The following CSRP3 variants were observed in gnomAD, a reference collection of about 807,000 sequenced individuals.
CSRP3 encodes the protein cysteine and glycine-rich protein 3.
A neutral mutation model predicts 24.3 loss-of-function variants in CSRP3; 24 were observed. The observed-to-expected ratio is 0.99, with a 90% CI of 0.71 to 1.39. The LOEUF (loss-of-function observed/expected upper bound fraction) is 1.39. Among genes scored for constraint, CSRP3 ranks in the 40% most tolerant of loss-of-function variants. The probability of loss-of-function intolerance (pLI) is 0.00; values close to 1 mark genes in which losing one functional copy is unlikely to be tolerated. For missense variants in CSRP3, 240 were observed against 249.0 expected (o/e 0.96, Z 0.24); for synonymous variants, 105 against 94.0 (o/e 1.12, Z -0.68).
At chr11:19,194,752 G>A (rs1850670125) in intron 1 of CSRP3, among the ~76,000 whole-genome samples, 1 of 152,042 alleles carries the variant, frequency 6.6e-6, no homozygotes, top group South Asian at 2.1e-4. Flanking sequence ...AGTTCGGGTT[G>A]TTTAGGAAAC....
intron 1 of CSRP3, among the ~76,000 whole-genome samples, chr11:19,200,252 T>C (rs1850814019): frequency 1.3e-5 from 2 of 152,248 alleles, no homozygotes; most frequent in Non-Finnish European, 2.9e-5. Flanking sequence ...TTAGTTTTAT[T>C]GTTCAGAAAA....
At chr11:19,191,022 AG>A (rs1850604711) in intron 2 of CSRP3, among the ~76,000 whole-genome samples, 1 of 152,194 alleles carries the variant, frequency 6.6e-6, no homozygotes, top group Non-Finnish European at 1.5e-5. Flanking sequence ...CAGTTACCAA[AG>A]TTGATCAAAG....
At chr11:19,192,312 C>T (rs774314682) in intron 2 of CSRP3, 25 bp downstream of exon 2, 12 of 1,561,880 alleles carry the variant, frequency 7.7e-6, no homozygotes, top group Middle Eastern at 3.5e-4. Flanking sequence ...TGCTGAGGGG[C>T]CCCCAGGGTG....
At position 19,192,339 on chromosome 11, in the gene CSRP3, C is replaced by A. The variant is rs1850628850; in HGVS notation, c.110G>T (p.Cys37Phe). The A allele has an allele frequency of 6.2e-7, 1 of 1,612,092 alleles. No individual in the cohort carries two copies. The highest frequency in any genetic ancestry group is 1.1e-5 in the South Asian group (1 of 91,042). ...CCCAGGGTGTCCACCCAACTCACTG[C>A]AGTGGAAACACGTCTTGTGGAAACT... ...GRSFHKTCFH[C>F]MACRKALDST... The change falls in exon 2 of 6, where the codon TGC becomes TTC. Residue 37 changes from cysteine (C) to phenylalanine (F), a missense_variant and splice_region_variant. Coordinates refer to ENST00000265968, the MANE Select transcript of CSRP3 (RefSeq NM_003476.5).
intron 3 of CSRP3, 120 bp from the exon 4 acceptor site, chr11:19,186,468 G>C: frequency 8.0e-7 from 1 of 1,257,266 alleles, no homozygotes. Context: ...TCTGGAAAAT[G>C]GGGATAATGA....
At chr11:19,184,386 C>T (rs940524665) in intron 5 of CSRP3, among the ~76,000 whole-genome samples, 5 of 152,160 alleles carry the variant, frequency 3.3e-5, no homozygotes, top group African/African-American at 1.2e-4. Context: ...ATGGAGGCAG[C>T]GAGGGTCAGA....
At chr11:19,188,613 A>AGTGTGT (rs138192808) in intron 2 of CSRP3, among the ~76,000 whole-genome samples, 5,771 of 140,850 alleles carry the variant, frequency 0.041, 109 homozygotes, top group South Asian at 0.1. Context: ...ACATCAGGGA[A>AGTGTGT]GTGTGTGTGT....
chr11:19,191,915 G>A (rs1311557726), intron 2 of CSRP3, among the ~76,000 whole-genome samples: 1 of 152,192 alleles, frequency 6.6e-6, no homozygotes, highest in Admixed American at 6.5e-5. Flanking sequence ...GACAAGACCA[G>A]TCACAGCTGG....
At chr11:19,199,128 G>A (rs781742091) in intron 1 of CSRP3, among the ~76,000 whole-genome samples, 1 of 152,030 alleles carries the variant, frequency 6.6e-6, no homozygotes, top group African/African-American at 2.4e-5. Flanking sequence ...TGCCCAGGTC[G>A]GGGTGAGAGT....
intron 3 of CSRP3, 67 bp from the exon 4 acceptor site, chr11:19,186,415 C>T: frequency 6.2e-7 from 1 of 1,603,644 alleles, no homozygotes; most frequent in South Asian, 1.1e-5. Flanking sequence ...AGCTGTGTGG[C>T]CTTGAGAAAG....
intron 3 of CSRP3, among the ~76,000 whole-genome samples, chr11:19,186,846 G>T (rs1850534481): frequency 1.3e-5 from 2 of 152,228 alleles, no homozygotes; most frequent in South Asian, 4.1e-4. Flanking sequence ...TCACAAGCCA[G>T]GCTGTCGTCC....
intron 1 of CSRP3, among the ~76,000 whole-genome samples, chr11:19,200,344 A>T (rs148381656): frequency 9.8e-5 from 15 of 152,290 alleles, no homozygotes; most frequent in African/African-American, 3.6e-4. Context: ...TTTCTTCTTG[A>T]ATATCCCAGG....
At chr11:19,191,720 G>T (rs1302807171) in intron 2 of CSRP3, among the ~76,000 whole-genome samples, 2 of 152,246 alleles carry the variant, frequency 1.3e-5, no homozygotes, top group East Asian at 3.9e-4. Flanking sequence ...GGTTCTCAAG[G>T]TTCAAGCCAC....
chr11:19,192,243 T>A, intron 2 of CSRP3, 94 bp downstream of exon 2: 3 of 867,228 alleles, frequency 3.5e-6, no homozygotes, highest in South Asian at 2.7e-5. Flanking sequence ...GACCACACTA[T>A]GAGAACCACT....
intron 5 of CSRP3, among the ~76,000 whole-genome samples, chr11:19,183,932 AG>A (rs1451630392): frequency 6.6e-6 from 1 of 152,194 alleles, no homozygotes; most frequent in Non-Finnish European, 1.5e-5. Flanking sequence ...GGTTTTATAA[AG>A]GGCAGTTCTC....
In CSRP3 at chr11:19,188,324, T is replaced by A. The variant is rs1850563000; in HGVS notation, c.113-20A>T. ...AGGCCACTGCCAGGAAAAGGAAGGG[T>A]CATGGGATTGGAATTGAAATCCTTC... On this transcript the variant is annotated intron_variant, in intron 2 of 5. Coordinates refer to ENST00000265968, the MANE Select transcript of CSRP3 (RefSeq NM_003476.5). 6 of 1,611,276 alleles carry A rather than the reference T, an allele frequency of 3.7e-6. No individual in the cohort carries two copies. In the South Asian group the frequency reaches 4.4e-5, roughly 12 times the overall value.
intron 1 of CSRP3, among the ~76,000 whole-genome samples, chr11:19,198,850 C>T (rs917968187): frequency 1.3e-5 from 2 of 152,160 alleles, no homozygotes; most frequent in African/African-American, 4.8e-5. Flanking sequence ...TATGAGAAGG[C>T]TTGTCTGGGA....
At chr11:19,187,216 G>A (rs927426747) in intron 3 of CSRP3, among the ~76,000 whole-genome samples, 4 of 152,266 alleles carry the variant, frequency 2.6e-5, no homozygotes, top group Non-Finnish European at 4.4e-5. Flanking sequence ...TTGAGATTGA[G>A]TAATAAGACA....
chr11:19,187,491 G>C (rs1850545928), intron 3 of CSRP3, among the ~76,000 whole-genome samples: 1 of 152,216 alleles, frequency 6.6e-6, no homozygotes, highest in South Asian at 2.1e-4. Flanking sequence ...TCAATTCTGG[G>C]CTGGAGGTCA....
Sources: gnomAD v4.1 joint callset for allele counts (sites outside exome capture counted in the v4.1 genomes callset) on GRCh38, gnomAD v4.1.1 for gene constraint, MANE v1.5 for transcripts, NCBI Gene and HGNC (gene_info 2026-07-23, HGNC 2026-07-21) for gene names.